The following RYR3 variants were observed in gnomAD, a reference collection of about 807,000 sequenced individuals.
The protein encoded by RYR3 is brain ryanodine receptor-calcium release channel.
A neutral mutation model predicts 584.3 loss-of-function variants in RYR3; 207 were observed. That is an observed-to-expected ratio of 0.35 (90% CI 0.32 to 0.40). The LOEUF (loss-of-function observed/expected upper bound fraction) is 0.40, where lower values mean the gene tolerates loss of function less well. Ranked by LOEUF, RYR3 falls within the 10% of genes least tolerant of loss-of-function variation. The probability of loss-of-function intolerance (pLI) is 1.00; values close to 1 mark genes in which losing one functional copy is unlikely to be tolerated. For missense variants in RYR3, 5,616 were observed against 6,089.2 expected, an observed-to-expected ratio of 0.92 and a Z score of 2.59; for synonymous variants, 2,416 against 2,248.5, an observed-to-expected ratio of 1.07 and a Z score of -2.11.
intron 5 of RYR3, 134 bp from the exon 6 acceptor site, chr15:33,539,216 C>T: frequency 1.6e-6 from 1 of 606,604 alleles, no homozygotes; most frequent in Non-Finnish European, 3.0e-6. Flanking sequence ...TAGAGACCAA[C>T]AGAAGTTGAG....
chr15:33,707,431 A>C (rs1268253342), intron 43 of RYR3, among the ~76,000 whole-genome samples: 1 of 152,182 alleles, frequency 6.6e-6, no homozygotes, highest in African/African-American at 2.4e-5. Flanking sequence ...TGTTGGATGG[A>C]TGGATGGATG....
intron 1 of RYR3, among the ~76,000 whole-genome samples, chr15:33,325,777 CTT>C: frequency 3.1e-5 from 3 of 95,342 alleles, no homozygotes; most frequent in African/African-American, 8.2e-5. Context: ...TTCCTTCCTT[CTT>C]TCTTTTCTTT....
Position 33,579,987 on chromosome 15 carries a change from G to T in RYR3, c.1280G>T (p.Arg427Leu). The change falls in exon 13 of 104, where the codon CGC (arginine) becomes CTC (leucine). Residue 427 changes from arginine (R) to leucine (L), a missense_variant. Arg to Leu is a moderately radical substitution (Grantham distance 102). Transcript: ENST00000634891. ...LFSQFVSGNN[R>L]TAAPITLPIE... Reference sequence around the variant, plus strand: ...CTCATGGTTTTTAGCGGAAACAATCGCACAGCTGCCCCCATCACCCTGCCT... The same window carrying T: ...CTCATGGTTTTTAGCGGAAACAATCTCACAGCTGCCCCCATCACCCTGCCT... The T allele has an allele frequency of 6.8e-6, 11 of 1,607,914 alleles. No homozygotes were observed. Among genetic ancestry groups the T allele is most frequent in the Non-Finnish European group, 9.3e-6 (11 of 1,177,104 alleles).
intron 16 of RYR3, among the ~76,000 whole-genome samples, chr15:33,599,467 A>AG (rs1181285232): frequency 6.6e-6 from 1 of 152,184 alleles, no homozygotes; most frequent in African/African-American, 2.4e-5. Context: ...CAGTCTGGAA[A>AG]GGCAGGATAA....
At chr15:33,780,153 A>G in intron 64 of RYR3, 58 bp from the exon 65 acceptor site, 3 of 1,591,068 alleles carry the variant, frequency 1.9e-6, no homozygotes, top group Non-Finnish European at 2.6e-6. Flanking sequence ...CTGATCTGCC[A>G]ATGCATGGGG....
intron 86 of RYR3, among the ~76,000 whole-genome samples, chr15:33,833,359 A>G (rs990735935): frequency 2.0e-5 from 3 of 152,188 alleles, no homozygotes; most frequent in African/African-American, 7.2e-5. Context: ...TTAAATTCTC[A>G]TCAAATAAAG....
chr15:33,580,284 A>G (rs1209192118), intron 13 of RYR3, 140 bp downstream of exon 13: 1 of 724,378 alleles, frequency 1.4e-6, no homozygotes, highest in Admixed American at 3.1e-5. Context: ...AAGCTGGGAA[A>G]TTGGAAGCCA....
intron 17 of RYR3, among the ~76,000 whole-genome samples, chr15:33,602,394 G>A (rs1042971318): frequency 6.6e-6 from 1 of 152,124 alleles, no homozygotes; most frequent in African/African-American, 2.4e-5. Flanking sequence ...CCCTTAATGA[G>A]GTTGCCTAGT....
At position 33,848,297 on chromosome 15, in the gene RYR3, T is replaced by C; in HGVS notation, c.13504T>C (p.Leu4502=). The part of the protein sequence containing the change: ...VVGYYCLKVP[L]VVFKREKEIA... Reference sequence around the variant, plus strand: ...ATCCTCCTCCCACTCCTAGGTGCCTTTGGTGGTTTTCAAAAGGGAAAAAGA... The same window carrying C: ...ATCCTCCTCCCACTCCTAGGTGCCTCTGGTGGTTTTCAAAAGGGAAAAAGA... Residue 4502 remains leucine, a synonymous_variant, in exon 94 of 104, where the codon TTG becomes CTG. Coordinates refer to ENST00000634891, the MANE Select transcript of RYR3 (RefSeq NM_001036.6). 6.2e-7 allele frequency: 1 copy of C among 1,613,514 alleles called. No individual in the cohort carries two copies. The highest frequency in any genetic ancestry group is 8.5e-7 in the Non-Finnish European group (1 of 1,179,848).
At chr15:33,705,591 G>A (rs1423640793) in intron 42 of RYR3, among the ~76,000 whole-genome samples, 2 of 152,324 alleles carry the variant, frequency 1.3e-5, no homozygotes, top group East Asian at 3.9e-4. Context: ...GAAAGCTGCT[G>A]AAAAGTAGAA....
intron 1 of RYR3, among the ~76,000 whole-genome samples, chr15:33,343,552 G>T (rs148193569): frequency 6.6e-6 from 1 of 152,122 alleles, no homozygotes; most frequent in East Asian, 1.9e-4. Flanking sequence ...ATTTTCCTGC[G>T]CTTTCCATCT....
intron 102 of RYR3, among the ~76,000 whole-genome samples, chr15:33,863,265 T>C (rs1799984177): frequency 6.6e-6 from 1 of 152,160 alleles, no homozygotes; most frequent in South Asian, 2.1e-4. Flanking sequence ...AGCCCCTACG[T>C]ATCAAACAGG....
intron 68 of RYR3, 22 bp from the exon 69 acceptor site, chr15:33,801,847 G>A (rs35048413): frequency 7.7e-7 from 1 of 1,290,486 alleles, no homozygotes; most frequent in Non-Finnish European, 1.1e-6. Flanking sequence ...AATGTTTGCT[G>A]TTTCAATTCT....
At chr15:33,700,221 T>C (rs1350271352) in intron 41 of RYR3, among the ~76,000 whole-genome samples, 6 of 152,158 alleles carry the variant, frequency 3.9e-5, no homozygotes, top group Non-Finnish European at 7.3e-5. Context: ...ATGGATCGGA[T>C]CTCGTCTTGG....
In RYR3 at chr15:33,838,035, G is replaced by A. The variant is rs1322987678; in HGVS notation, c.12055G>A (p.Glu4019Lys). The change falls in exon 89 of 104, where the codon GAA becomes AAA. Residue 4019 changes from glutamate (E) to lysine (K), a missense_variant. By Grantham distance (56) the Glu-to-Lys change is moderately conservative (BLOSUM62 1). Coordinates refer to ENST00000634891, the MANE Select transcript of RYR3 (RefSeq NM_001036.6). ...CCTGAAGTGTCTGTTGGACCCAGCA[G>A]AAAGTGTGCTAAATTACTTCGAACC... Reference protein sequence around the residue: ...SRLKCLLDPAESVLNYFEPYL... With the variant: ...SRLKCLLDPAKSVLNYFEPYL... 2.9e-5 allele frequency: 47 copies of A among 1,613,896 alleles called. No individual in the cohort carries two copies. The highest frequency in any genetic ancestry group is 3.9e-5 in the Non-Finnish European group (46 of 1,179,910).
intron 74 of RYR3, chr15:33,815,340 T>A (rs1252555725): frequency 6.6e-6 from 1 of 152,366 alleles, no homozygotes; most frequent in African/African-American, 2.4e-5. Flanking sequence ...AGAAAGTGTT[T>A]CCTTCCCTAT....
intron 88 of RYR3, 89 bp downstream of exon 88, chr15:33,837,076 A>G: frequency 9.2e-7 from 1 of 1,083,784 alleles, no homozygotes; most frequent in Non-Finnish European, 1.4e-6. Context: ...TCCTTCTGGC[A>G]GGTCACTGAT....
chr15:33,346,005 T>TA (rs2140883869), intron 1 of RYR3, among the ~76,000 whole-genome samples: 1 of 152,350 alleles, frequency 6.6e-6, no homozygotes, highest in South Asian at 2.1e-4. Flanking sequence ...TGTTAGATGT[T>TA]ACTGTATTTA....
intron 1 of RYR3, among the ~76,000 whole-genome samples, chr15:33,416,038 C>G (rs899197460): frequency 6.6e-6 from 1 of 152,136 alleles, no homozygotes. Context: ...TGATTTCATT[C>G]TTTTTTATGG....
Sources: gnomAD v4.1 joint callset for allele counts (sites outside exome capture counted in the v4.1 genomes callset) on GRCh38, gnomAD v4.1.1 for gene constraint, MANE v1.5 for transcripts, NCBI Gene and HGNC (gene_info 2026-07-23, HGNC 2026-07-21) for gene names.